The following LYPD6 variants were observed in gnomAD, a reference collection of about 807,000 sequenced individuals.
The protein encoded by LYPD6 is ly6/PLAUR domain-containing protein 6.
In LYPD6, 15 loss-of-function variants were observed where a neutral mutation model predicts 22.7. The observed-to-expected ratio is 0.66, with a 90% confidence interval of 0.44 to 1.02. The LOEUF (loss-of-function observed/expected upper bound fraction) is 1.02. Ranked by LOEUF, LYPD6 falls within the 50% of genes least tolerant of loss-of-function variation. The pLI, the probability that LYPD6 is intolerant of heterozygous loss-of-function variation, is 0.00. For missense variants in LYPD6, 189 were observed against 208.4 expected (o/e 0.91, Z 0.57); for synonymous variants, 72 against 77.5 (o/e 0.93, Z 0.37).
chr2:149,477,622 CAAAAAAAAAA>C (rs35507967), downstream of LYPD6, among the ~76,000 whole-genome samples: 8 of 62,912 alleles, frequency 1.3e-4, no homozygotes, highest in African/African-American at 5.7e-4. Flanking sequence ...AACTGTGTCT[CAAAAAAAAAA>C]AAAAAAAAAA....
intron 1 of LYPD6, among the ~76,000 whole-genome samples, chr2:149,391,562 T>G (rs1682310612): frequency 6.6e-6 from 1 of 152,114 alleles, no homozygotes; most frequent in African/African-American, 2.4e-5. Flanking sequence ...ATGTTTCACA[T>G]CTATAGGGCC....
intron 1 of LYPD6, among the ~76,000 whole-genome samples, chr2:149,388,856 G>C (rs1203860393): frequency 6.6e-6 from 1 of 152,144 alleles, no homozygotes; most frequent in African/African-American, 2.4e-5. Flanking sequence ...TGACTTAGAT[G>C]AAAAGAAAAT....
intron 1 of LYPD6, among the ~76,000 whole-genome samples, chr2:149,347,443 T>C (rs1681279192): frequency 6.6e-6 from 1 of 152,278 alleles, no homozygotes. Flanking sequence ...CCCCCTATTT[T>C]CCCCAATTCC....
At chr2:149,376,069 A>G in intron 1 of LYPD6, among the ~76,000 whole-genome samples, 1 of 152,238 alleles carries the variant, frequency 6.6e-6, no homozygotes. Context: ...CAAAAACACA[A>G]AAGGGCTGCA....
chr2:149,449,491 T>C (rs897279815), intron 3 of LYPD6, among the ~76,000 whole-genome samples: 1 of 152,228 alleles, frequency 6.6e-6, no homozygotes, highest in Non-Finnish European at 1.5e-5. Context: ...TTTTATGTAA[T>C]GTATGAATTG....
At chr2:149,452,074 A>G (rs1024882322) in intron 3 of LYPD6, among the ~76,000 whole-genome samples, 2 of 152,214 alleles carry the variant, frequency 1.3e-5, no homozygotes, top group African/African-American at 4.8e-5. Flanking sequence ...GAGGTCCAGC[A>G]TTGAAGAGAA....
At chr2:149,347,804 G>A (rs574173799) in intron 1 of LYPD6, among the ~76,000 whole-genome samples, 1 of 152,190 alleles carries the variant, frequency 6.6e-6, no homozygotes, top group Admixed American at 6.5e-5. Flanking sequence ...CATGAACACT[G>A]TCTATATTTA....
intron 1 of LYPD6, among the ~76,000 whole-genome samples, chr2:149,359,531 A>G (rs1681529068): frequency 6.6e-6 from 1 of 152,174 alleles, no homozygotes; most frequent in Non-Finnish European, 1.5e-5. Flanking sequence ...ATTGTCTCGT[A>G]TCCCAGCCTT....
At chr2:149,402,994 C>A (rs2105111186) in intron 1 of LYPD6, among the ~76,000 whole-genome samples, 2 of 151,040 alleles carry the variant, frequency 1.3e-5, no homozygotes, top group South Asian at 2.1e-4. Flanking sequence ...GGTTTTTTGT[C>A]CTTATGATAG....
At chr2:149,480,322 T>C in the LYPD6 span, among the ~76,000 whole-genome samples, 1 of 152,126 alleles carries the variant, frequency 6.6e-6, no homozygotes, top group South Asian at 2.1e-4. Flanking sequence ...TGCTTTTCTT[T>C]TCTTTGAACA....
intron 1 of LYPD6, among the ~76,000 whole-genome samples, chr2:149,357,429 A>G (rs762528933): frequency 2.0e-5 from 3 of 152,210 alleles, no homozygotes; most frequent in Non-Finnish European, 2.9e-5. Flanking sequence ...ACATGTTAAC[A>G]TGGTTACTTT....
chr2:149,411,630 A>T (rs1344543166), intron 1 of LYPD6, among the ~76,000 whole-genome samples: 1 of 152,228 alleles, frequency 6.6e-6, no homozygotes, highest in Non-Finnish European at 1.5e-5. Context: ...TATGATTGAC[A>T]GTGGAAGTAT....
chr2:149,441,034 C>T (rs558575708), intron 2 of LYPD6, among the ~76,000 whole-genome samples: 62 of 152,204 alleles, frequency 4.1e-4, no homozygotes, highest in African/African-American at 1.4e-3. Context: ...TCAGTATTAA[C>T]TTCTAATTTC....
chr2:149,380,204 G>A (rs1044804471), intron 1 of LYPD6, among the ~76,000 whole-genome samples: 4 of 152,160 alleles, frequency 2.6e-5, no homozygotes, highest in Non-Finnish European at 5.9e-5. Flanking sequence ...AATGGGGAGC[G>A]GGGGCAGCTC....
chr2:149,407,339 G>A (rs1465191720), intron 1 of LYPD6, among the ~76,000 whole-genome samples: 2 of 152,128 alleles, frequency 1.3e-5, no homozygotes, highest in African/African-American at 2.4e-5. Context: ...TTCCAACTTG[G>A]TTCCATCCTC....
At chr2:149,344,460 T>G (rs1438077035) in intron 1 of LYPD6, among the ~76,000 whole-genome samples, 1 of 152,182 alleles carries the variant, frequency 6.6e-6, no homozygotes, top group Non-Finnish European at 1.5e-5. Flanking sequence ...GGGGATAATA[T>G]TTCAGAAAAG....
At chr2:149,480,538 T>G in the LYPD6 span, among the ~76,000 whole-genome samples, 1 of 152,178 alleles carries the variant, frequency 6.6e-6, no homozygotes, top group Non-Finnish European at 1.5e-5. Flanking sequence ...TGAACTTCCT[T>G]TCACAGTGCT....
chr2:149,485,298 T>A, the LYPD6 span, among the ~76,000 whole-genome samples: 1 of 152,098 alleles, frequency 6.6e-6, no homozygotes, highest in Non-Finnish European at 1.5e-5. Context: ...TGAAACTGAG[T>A]AGAGTAAGGC....
At chr2:149,459,472 C>T (rs569127296) in intron 3 of LYPD6, among the ~76,000 whole-genome samples, 4 of 152,190 alleles carry the variant, frequency 2.6e-5, no homozygotes, top group South Asian at 4.1e-4. Flanking sequence ...ACTTAGTAAA[C>T]GTACTTGATA....
Sources: allele counts gnomAD v4.1 joint callset (sites outside exome capture counted in the v4.1 genomes callset), GRCh38; gene constraint gnomAD v4.1.1; transcripts MANE v1.5; gene names NCBI Gene and HGNC (gene_info 2026-07-23, HGNC 2026-07-21).